The following MIA3 variants were observed in gnomAD, a reference collection of about 807,000 sequenced individuals.
The protein encoded by MIA3 is MIA SH3 domain ER export factor 3, also known as transport and Golgi organization protein 1 homolog.
In MIA3, 90 loss-of-function variants were observed where a neutral mutation model predicts 192.4. The ratio of observed to expected loss-of-function variants is 0.47; its 90% CI spans 0.39 to 0.56. The LOEUF is 0.56. Ranked by LOEUF, MIA3 falls within the 20% of genes least tolerant of loss-of-function variation. The pLI is 0.00. For synonymous variants in MIA3, 740 were observed against 792.8 expected (o/e 0.93, Z 1.12); for missense variants, 2,123 against 2,269.4 (o/e 0.94, Z 1.31).
rs1048248418 is a variant in MIA3, at chr1:222,667,435, A to T, written c.*1816A>T. The T allele has an allele frequency of 2.6e-5, 4 of 152,352 alleles. No homozygotes were observed. The highest frequency in any genetic ancestry group is 4.1e-4 in the South Asian group (2 of 4,822). 9.4% of individuals were successfully genotyped at this position (152,352 alleles called of 1,614,324 possible). On this transcript the variant is annotated 3_prime_UTR_variant, in exon 28 of 28. Coordinates refer to ENST00000344922, the MANE Select transcript of MIA3 (RefSeq NM_198551.4). ...AATTTCTAATTTTAAATGTCATTTA[A>T]GTGTAGATTATGCCATCTAGGAAGG... is the stretch of plus-strand genomic sequence containing the variant.
chr1:222,625,246 C>T (rs1376037743), intron 3 of MIA3, among the ~76,000 whole-genome samples: 2 of 152,130 alleles, frequency 1.3e-5, no homozygotes, highest in Non-Finnish European at 2.9e-5. Flanking sequence ...ACCTCATGAT[C>T]CGCCCGCCTC....
At chr1:222,654,142 G>A in intron 15 of MIA3, 101 bp from the exon 16 acceptor site, 1 of 1,133,128 alleles carries the variant, frequency 8.8e-7, no homozygotes, top group Non-Finnish European at 1.3e-6. Context: ...TTCTTTAAAT[G>A]TTTGAACATG....
At chr1:222,647,820 A>T (rs761628535) in intron 7 of MIA3, 1 of 323,766 alleles carries the variant, frequency 3.1e-6, no homozygotes, top group South Asian at 2.3e-5. Context: ...CATTAGAGAG[A>T]TAGTAATTTC....
chr1:222,660,201 T>G lies in MIA3; in HGVS notation c.5000T>G (p.Phe1667Cys), dbSNP rs1663939433. 1 of 1,613,408 alleles carries G rather than the reference T, an allele frequency of 6.2e-7. No individual in the cohort carries two copies. Among genetic ancestry groups the G allele is most frequent in the African/African-American group, 1.3e-5 (1 of 74,914 alleles). ...GGTCCTCTGAGCCAGAATGGCTCTT[T>G]TGGCCCATCCCCTGTGAGTGGTGGA... is the stretch of plus-strand genomic sequence containing the variant. The part of the protein sequence containing the change: ...RRGPLSQNGS[F>C]GPSPVSGGEC... The change falls in exon 24 of 28, where the codon TTT becomes TGT. Residue 1667 changes from phenylalanine to cysteine, a missense_variant. Physicochemically the swap from Phe to Cys is radical, Grantham distance 205. Transcript: ENST00000344922.
chr1:222,618,114 G>C lies in MIA3; in HGVS notation c.4G>C (p.Ala2Pro). 6.7e-7 allele frequency: 1 copy of C among 1,488,292 alleles called. No individual in the cohort carries two copies. The highest frequency in any genetic ancestry group is 2.9e-5 in the East Asian group (1 of 34,350). 92.2% of individuals were successfully genotyped at this position (1,488,292 alleles called of 1,614,324 possible). Residue 2 changes from alanine (A) to proline (P), a missense_variant, in exon 1 of 28, where the codon GCT (alanine) becomes CCT (proline). Physicochemically the swap from Ala to Pro is conservative, Grantham distance 27 (BLOSUM62 -1). This residue lies in a region of MIA3 where 1,357 missense variants were observed against 1,396.1 expected (regional missense o/e 0.97). Transcript: ENST00000344922. ...GGCTCCCCGAGGTGACCACAACATG[G>C]CTGCGGCGCCTGGGCTGCTCGTCTG... M[A>P]AAPGLLVWLL...
intron 6 of MIA3, among the ~76,000 whole-genome samples, chr1:222,643,875 G>A (rs1662980684): frequency 6.6e-6 from 1 of 152,132 alleles, no homozygotes; most frequent in Admixed American, 6.5e-5. Flanking sequence ...ATAGAGTGTC[G>A]GCAAGAATGT....
In MIA3 at chr1:222,652,278, T is replaced by G. The variant is rs781521106; in HGVS notation, c.4032T>G (p.Ser1344=). 3 of 1,613,842 alleles carry G rather than the reference T, an allele frequency of 1.9e-6. No individual in the cohort carries two copies. In the East Asian group the frequency reaches 6.7e-5, roughly 36 times the overall value. The change falls in exon 13 of 28, where the codon TCT becomes TCG. Residue 1344 remains serine, a synonymous_variant. Transcript: ENST00000344922. ...AGCTTAGTGAAGAGAAGGTGAAGTC[T>G]GAATGCCATCGGGTTCAAGAAGAAA... is the stretch of plus-strand genomic sequence containing the variant. The part of the protein sequence containing the change: ...EAKLSEEKVK[S]ECHRVQEENA...
chr1:222,628,397 G>A lies in MIA3; in HGVS notation c.1177G>A (p.Gly393Arg), dbSNP rs937318783. ...GGACACTATCTTCTCTATTGTCACA[G>A]GAGGTGAAGAAACAAGAGATACGAT... Reference protein sequence around the residue: ...WGDTIFSIVTGGEETRDTMDL... With the variant: ...WGDTIFSIVTRGEETRDTMDL... The change falls in exon 4 of 28, where the codon GGA becomes AGA. Residue 393 changes from glycine (G) to arginine (R), a missense_variant. This residue lies in a region of MIA3 where 1,357 missense variants were observed against 1,396.1 expected (regional missense o/e 0.97). Transcript: ENST00000344922. 6.2e-6 allele frequency: 10 copies of A among 1,613,854 alleles called. No individual in the cohort carries two copies. The highest frequency in any genetic ancestry group is 2.2e-5 in the East Asian group (1 of 44,880).
chr1:222,659,987 A>G lies in MIA3; in HGVS notation c.4956A>G (p.Thr1652=). Residue 1652 remains threonine, a synonymous_variant, in exon 23 of 28, where the codon ACA becomes ACG. Coordinates refer to ENST00000344922, the MANE Select transcript of MIA3 (RefSeq NM_198551.4). The part of the protein sequence containing the change: ...IVKPMPGKPN[T]QNPPRRGPLS... The stretch of plus-strand genomic sequence containing the variant: ...AACCAATGCCAGGAAAACCAAATAC[A>G]CAAAACCCTCCACGGAGAGGTAAGG... The G allele has an allele frequency of 6.2e-7, 1 of 1,613,490 alleles. No homozygotes were observed. The highest frequency in any genetic ancestry group is 2.2e-5 in the East Asian group (1 of 44,858).
intron 6 of MIA3, among the ~76,000 whole-genome samples, chr1:222,644,001 G>C (rs1172332771): frequency 6.6e-6 from 1 of 152,174 alleles, no homozygotes; most frequent in Non-Finnish European, 1.5e-5. Context: ...GTCCTTCCAC[G>C]CTGTGACAGG....
intron 7 of MIA3, chr1:222,648,008 C>A (rs1663236786): frequency 1.4e-5 from 4 of 283,320 alleles, no homozygotes; most frequent in Non-Finnish European, 3.0e-5. Flanking sequence ...GTGTTAGTAT[C>A]TCATCAACAT....
At chr1:222,659,345 G>T in intron 19 of MIA3, 108 bp from the exon 20 acceptor site, 4 of 895,304 alleles carry the variant, frequency 4.5e-6, no homozygotes, top group South Asian at 1.6e-5. Context: ...TATATTTCTG[G>T]ATAAGCTCTA....
At position 222,652,634 on chromosome 1, in the gene MIA3, G is replaced by T. The variant is rs575700079; in HGVS notation, c.4086+302G>T. Among the ~76,000 whole-genome samples the T allele has an allele frequency of 3.3e-5, 5 of 152,290 alleles. No individual in the cohort carries two copies. The South Asian group carries it at 1.0e-3, about 32-fold the overall frequency. On this transcript the variant is annotated intron_variant, in intron 13 of 27. Coordinates refer to ENST00000344922, the MANE Select transcript of MIA3 (RefSeq NM_198551.4). ...TAGTAGATTGGCTTTTTAGACCCAA[G>T]AGTTAGATATTTTATAACCCTCCTT...
At chr1:222,656,223 C>T (rs545236844) in intron 18 of MIA3, among the ~76,000 whole-genome samples, 49 of 152,068 alleles carry the variant, frequency 3.2e-4, no homozygotes, top group Admixed American at 9.2e-4. Context: ...CCACCCGCCT[C>T]GGCCTCCCAA....
Position 222,629,151 on chromosome 1 carries a change from T to A in MIA3, c.1931T>A (p.Leu644Gln). The A allele has an allele frequency of 6.2e-7, 1 of 1,614,140 alleles. No homozygotes were observed. The highest frequency in any genetic ancestry group is 8.5e-7 in the Non-Finnish European group (1 of 1,180,002). ...SPDEIDLPRE[L>Q]EDEVPILGRN... Reference sequence around the variant, plus strand: ...GATGAGATTGATTTGCCCAGAGAACTGGAAGACGAGGTTCCCATTCTGGGA... The same window carrying A: ...GATGAGATTGATTTGCCCAGAGAACAGGAAGACGAGGTTCCCATTCTGGGA... Residue 644 changes from leucine to glutamine, a missense_variant, in exon 4 of 28, where the codon CTG becomes CAG. Physicochemically the swap from Leu to Gln is moderately radical, Grantham distance 113. This residue lies in a region of MIA3 where 1,357 missense variants were observed against 1,396.1 expected (regional missense o/e 0.97). Coordinates refer to ENST00000344922, the MANE Select transcript of MIA3 (RefSeq NM_198551.4).
intron 6 of MIA3, among the ~76,000 whole-genome samples, chr1:222,635,039 A>G (rs1662567958): frequency 6.6e-6 from 1 of 152,242 alleles, no homozygotes; most frequent in Admixed American, 6.5e-5. Flanking sequence ...GCATATAAAG[A>G]CATTGAATAC....
rs963966838 is a variant in MIA3, at chr1:222,647,854, T to C, written c.3610-975T>C. ...TCTTTCCATGTTGGAATTTTCTGAA[T>C]GCATATTCCTATAACAATGGTATTA... On this transcript the variant is annotated intron_variant, in intron 7 of 27. Transcript: ENST00000344922. 8.7e-6 allele frequency: 3 copies of C among 344,914 alleles called. No individual in the cohort carries two copies. In the Admixed American group the frequency reaches 9.3e-5, roughly 11 times the overall value. 21.4% of individuals were successfully genotyped at this position (344,914 alleles called of 1,614,324 possible).
At position 222,628,491 on chromosome 1, in the gene MIA3, AACAGGGGAAACC is replaced by A. The variant is rs770536768; in HGVS notation, c.1276_1287del (p.Gly426_Gln429del). 1.2e-6 allele frequency: 2 copies of A among 1,613,430 alleles called. No homozygotes were observed. Among genetic ancestry groups the A allele is most frequent in the Admixed American group, 1.7e-5 (1 of 59,852 alleles). On this transcript the variant is annotated inframe_deletion, in exon 4 of 28. Transcript: ENST00000344922. Reference sequence around the variant, plus strand: ...GATGATGCATTAGTCCCAGATAGCAAACAGGGGAAACCACAGTCAGCAACAGATTATAGTGAC... The same window carrying A: ...GATGATGCATTAGTCCCAGATAGCAAACAGTCAGCAACAGATTATAGTGAC...
In MIA3 at chr1:222,629,318, A is replaced by G. The variant is rs1265872404; in HGVS notation, c.2098A>G (p.Thr700Ala). 4 of 1,614,238 alleles carry G rather than the reference A, an allele frequency of 2.5e-6. No homozygotes were observed. The South Asian group carries it at 3.3e-5, about 13-fold the overall frequency. ...TTTTCATCACAAGGCAATGCAGGGC[A>G]CAGAGGTAGGACAGACAGACCAAAC... Reference protein sequence around the residue: ...EFFHHKAMQGTEVGQTDQTDS... With the variant: ...EFFHHKAMQGAEVGQTDQTDS... The change falls in exon 4 of 28, where the codon ACA (threonine) becomes GCA (alanine). Residue 700 changes from threonine (T) to alanine (A), a missense_variant. Thr to Ala is a moderately conservative substitution (Grantham distance 58). Coordinates refer to ENST00000344922, the MANE Select transcript of MIA3 (RefSeq NM_198551.4).
Sources: allele counts gnomAD v4.1 joint callset (sites outside exome capture counted in the v4.1 genomes callset), GRCh38; gene constraint gnomAD v4.1.1; regional missense constraint gnomAD v4.1.1; transcripts MANE v1.5; gene names NCBI Gene and HGNC (gene_info 2026-07-23, HGNC 2026-07-21).